SLCO3A1: variants seen among roughly 807,000 people sequenced by gnomAD.
SLCO3A1 encodes PGE1 transporter.
In SLCO3A1, 27 loss-of-function variants were observed where a neutral mutation model predicts 63.1. That is an observed-to-expected ratio of 0.43 (90% CI 0.32 to 0.59). The LOEUF (loss-of-function observed/expected upper bound fraction) is 0.59, where lower values mean the gene tolerates loss of function less well. Ranked by LOEUF, SLCO3A1 falls within the 20% of genes least tolerant of loss-of-function variation. SLCO3A1 has a pLI of 0.09. For missense variants in SLCO3A1, 773 were observed against 945.8 expected (o/e 0.82, Z 2.40); for synonymous variants, 473 against 409.9 (o/e 1.15, Z -1.86).
At chr15:91,902,132 T>G (rs1006031866) in intron 1 of SLCO3A1, among the ~76,000 whole-genome samples, 7 of 152,218 alleles carry the variant, frequency 4.6e-5, no homozygotes, top group Non-Finnish European at 8.8e-5. Flanking sequence ...TTTGTTTCAT[T>G]TATTATACTT....
intron 2 of SLCO3A1, among the ~76,000 whole-genome samples, chr15:92,051,058 AT>A (rs1433590480): frequency 6.6e-6 from 1 of 152,204 alleles, no homozygotes; most frequent in Admixed American, 6.5e-5. Flanking sequence ...ACTCTGTCAC[AT>A]ACACCTGTTG....
chr15:92,003,532 G>A (rs2046279651), intron 2 of SLCO3A1, among the ~76,000 whole-genome samples: 1 of 152,168 alleles, frequency 6.6e-6, no homozygotes, highest in South Asian at 2.1e-4. Context: ...TGGACATCTT[G>A]TTAGTGAATA....
chr15:91,867,723 G>A (rs1214114222), intron 1 of SLCO3A1, among the ~76,000 whole-genome samples: 3 of 152,190 alleles, frequency 2.0e-5, no homozygotes, highest in African/African-American at 7.2e-5. Flanking sequence ...GCTGCTGAGA[G>A]AGGCCACTCC....
intron 2 of SLCO3A1, among the ~76,000 whole-genome samples, chr15:92,046,628 G>C (rs1275979013): frequency 6.6e-6 from 1 of 152,022 alleles, no homozygotes; most frequent in Non-Finnish European, 1.5e-5. Flanking sequence ...AGGCTGCCTT[G>C]TCCAAGGCTG....
At chr15:91,930,398 T>C (rs1899184257) in intron 2 of SLCO3A1, among the ~76,000 whole-genome samples, 1 of 152,222 alleles carries the variant, frequency 6.6e-6, no homozygotes, top group Non-Finnish European at 1.5e-5. Context: ...ATGTGCGTTG[T>C]TCTGGAACCT....
chr15:92,051,797 G>T (rs931270328), intron 2 of SLCO3A1, among the ~76,000 whole-genome samples: 1 of 152,174 alleles, frequency 6.6e-6, no homozygotes, highest in Non-Finnish European at 1.5e-5. Flanking sequence ...ATTTTCCATT[G>T]ATGGCCTCCT....
At chr15:92,132,534 G>A (rs2048008647) in intron 7 of SLCO3A1, among the ~76,000 whole-genome samples, 1 of 142,842 alleles carries the variant, frequency 7.0e-6, no homozygotes, top group African/African-American at 2.5e-5. Flanking sequence ...ACTTTCAGAA[G>A]TAATTATTCC....
At chr15:92,107,169 G>A (rs2047676890) in intron 4 of SLCO3A1, among the ~76,000 whole-genome samples, 1 of 152,218 alleles carries the variant, frequency 6.6e-6, no homozygotes, top group South Asian at 2.1e-4. Flanking sequence ...TATACGCACA[G>A]GCTTCACTTC....
chr15:91,854,129 G>GC lies in SLCO3A1; in HGVS notation c.180+44dup. ...AACTCCGCCGCGGGCCCCTTCCCCA[G>GC]CCCGGCTCTCGAGCGGCCGCCTGGC... On this transcript the variant is annotated intron_variant, in intron 1 of 9. Coordinates refer to ENST00000318445, the MANE Select transcript of SLCO3A1 (RefSeq NM_013272.4). The surrounding 1 kb of genome is among the most constrained non-coding windows in gnomAD (Gnocchi z 6.4). The GC allele has an allele frequency of 1.4e-6, 2 of 1,395,564 alleles. No individual in the cohort carries two copies. Among genetic ancestry groups the GC allele is most frequent in the Non-Finnish European group, 1.9e-6 (2 of 1,064,580 alleles). The allele number at this position is 1,395,564 out of a possible 1,614,324, so 86.4% of individuals were successfully genotyped here. A position where few individuals can be genotyped will look rare whatever the true frequency, so the allele number is the denominator to read the frequency against.
chr15:92,159,929 T>C (rs6416573), intron 9 of SLCO3A1, among the ~76,000 whole-genome samples: 92,861 of 151,894 alleles, frequency 0.61, 28,847 homozygotes, highest in Middle Eastern at 0.74. Context: ...CAAATTTCCT[T>C]TGATGTGCTT....
At position 91,862,609 on chromosome 15, in the gene SLCO3A1, T is replaced by C. The variant is rs1897075292; in HGVS notation, c.180+8521T>C. The stretch of plus-strand genomic sequence containing the variant: ...CTTTCTTGGTAGCTCTAAAGTCTCT[T>C]CTGGCTCTCCGTCCATTGATACCTA... On this transcript the variant is annotated intron_variant, in intron 1 of 9. Transcript: ENST00000318445. The surrounding 1 kb of genome is among the most constrained non-coding windows in gnomAD (Gnocchi z 4.0). 6.6e-6 allele frequency among the ~76,000 whole-genome samples: 1 copy of C among 152,208 alleles called. No homozygotes were observed. The highest frequency in any genetic ancestry group is 1.5e-5 in the Non-Finnish European group (1 of 68,034).
intron 2 of SLCO3A1, among the ~76,000 whole-genome samples, chr15:92,008,330 C>T (rs2046334447): frequency 6.6e-6 from 1 of 152,174 alleles, no homozygotes; most frequent in African/African-American, 2.4e-5. Flanking sequence ...CCCCTTTCGC[C>T]GCCAGGTTGT....
intron 2 of SLCO3A1, among the ~76,000 whole-genome samples, chr15:92,048,790 C>A (rs1035976240): frequency 6.6e-6 from 1 of 152,072 alleles, no homozygotes; most frequent in Non-Finnish European, 1.5e-5. Context: ...CCCAGCTCCT[C>A]GGGAGGCTGA....
At chr15:92,125,392 T>A (rs2047908962) in intron 5 of SLCO3A1, among the ~76,000 whole-genome samples, 1 of 152,070 alleles carries the variant, frequency 6.6e-6, no homozygotes, top group South Asian at 2.1e-4. Flanking sequence ...AAATAACAGG[T>A]TTATGGTCCT....
chr15:92,154,325 A>G (rs2048344922), intron 9 of SLCO3A1, among the ~76,000 whole-genome samples: 1 of 152,224 alleles, frequency 6.6e-6, no homozygotes, highest in Non-Finnish European at 1.5e-5. Flanking sequence ...AGACAGGAAG[A>G]AAGGATGTAG....
chr15:92,014,529 A>G (rs992689663), intron 2 of SLCO3A1, among the ~76,000 whole-genome samples: 8 of 152,106 alleles, frequency 5.3e-5, no homozygotes, highest in African/African-American at 1.7e-4. Context: ...TTTAAACACT[A>G]CTCAGAAAAA....
intron 2 of SLCO3A1, among the ~76,000 whole-genome samples, chr15:92,061,441 G>C (rs1464635530): frequency 2.0e-5 from 3 of 152,224 alleles, no homozygotes; most frequent in Non-Finnish European, 4.4e-5. Context: ...ACTGGCATTT[G>C]ATTCAAACTC....
At chr15:92,074,706 A>T (rs1306001905) in intron 2 of SLCO3A1, among the ~76,000 whole-genome samples, 1 of 152,220 alleles carries the variant, frequency 6.6e-6, no homozygotes, top group East Asian at 1.9e-4. Flanking sequence ...ATCTTCCAGG[A>T]CAGAGACGCA....
At chr15:92,167,185 C>T (rs934009470), downstream of SLCO3A1, among the ~76,000 whole-genome samples, 2 of 152,200 alleles carry the variant, frequency 1.3e-5, no homozygotes, top group Non-Finnish European at 2.9e-5. Flanking sequence ...GCTATTCTTA[C>T]CTGACTATCT....
Sources: allele counts gnomAD v4.1 joint callset (sites outside exome capture counted in the v4.1 genomes callset), GRCh38; gene constraint gnomAD v4.1.1; non-coding constraint Gnocchi (gnomAD v3.1); transcripts MANE v1.5; gene names NCBI Gene and HGNC (gene_info 2026-07-23, HGNC 2026-07-21).